ITPR1: variants seen among roughly 807,000 people sequenced by gnomAD.
ITPR1 encodes the protein inositol 1,4,5-trisphosphate-gated calcium channel ITPR1.
Under a neutral mutation model 318.4 loss-of-function variants are expected in ITPR1, and 96 were observed. That is an observed-to-expected ratio of 0.30 (90% confidence interval 0.26 to 0.36). The LOEUF (loss-of-function observed/expected upper bound fraction) is 0.36. Ranked by LOEUF, ITPR1 falls within the 10% of genes least tolerant of loss-of-function variation. The pLI is 1.00. For missense variants in ITPR1, 2,440 were observed against 3,460.2 expected, an observed-to-expected ratio of 0.71 and a Z score of 7.40; for synonymous variants, 1,312 against 1,289.9, an observed-to-expected ratio of 1.02 and a Z score of -0.37.
intron 4 of ITPR1, among the ~76,000 whole-genome samples, chr3:4,573,562 T>G (rs1319932706): frequency 6.6e-6 from 1 of 152,244 alleles, no homozygotes; most frequent in Non-Finnish European, 1.5e-5. Flanking sequence ...AGGATAAAAT[T>G]CAAAGTTGTT....
chr3:4,547,212 G>C (rs1304594219), intron 4 of ITPR1, among the ~76,000 whole-genome samples: 4 of 152,180 alleles, frequency 2.6e-5, no homozygotes, highest in African/African-American at 9.7e-5. Flanking sequence ...TTTTAGGAAA[G>C]ATTCGGCCTG....
chr3:4,593,351 C>T (rs1204901393), intron 4 of ITPR1, among the ~76,000 whole-genome samples: 1 of 152,142 alleles, frequency 6.6e-6, no homozygotes, highest in African/African-American at 2.4e-5. Flanking sequence ...TCACATTTAG[C>T]TCTAAAACTT....
chr3:4,623,820 T>C (rs1196822575), intron 4 of ITPR1, among the ~76,000 whole-genome samples: 1 of 152,224 alleles, frequency 6.6e-6, no homozygotes, highest in East Asian at 1.9e-4. Context: ...GTTACTAGTA[T>C]GTTAGCATCT....
chr3:4,833,515 T>C (rs761103209), intron 60 of ITPR1, among the ~76,000 whole-genome samples: 1 of 152,232 alleles, frequency 6.6e-6, no homozygotes, highest in Non-Finnish European at 1.5e-5. Context: ...TGCATGTCAG[T>C]AATAAGTGAG....
At chr3:4,654,795 G>C (rs1223708245) in intron 12 of ITPR1, among the ~76,000 whole-genome samples, 1 of 152,216 alleles carries the variant, frequency 6.6e-6, no homozygotes, top group Admixed American at 6.5e-5. Context: ...CTTGGAAAGT[G>C]TTGTGAATTC....
intron 51 of ITPR1, among the ~76,000 whole-genome samples, chr3:4,784,726 C>CAAAAAAAAAAAA (rs34856837): frequency 2.7e-5 from 3 of 109,504 alleles, no homozygotes; most frequent in African/African-American, 1.1e-4. Context: ...ACTAAAAATA[C>CAAAAAAAAAAAA]AAAAAAAAAA....
At chr3:4,620,895 A>G (rs181129780) in intron 4 of ITPR1, among the ~76,000 whole-genome samples, 1 of 150,394 alleles carries the variant, frequency 6.6e-6, no homozygotes, top group Non-Finnish European at 1.5e-5. Context: ...CTCCTCTCCA[A>G]CTCCCCATCC....
In ITPR1 at chr3:4,688,631, A is replaced by G; in HGVS notation, c.3828+11A>G. ...TTTCTCAACCCAGGGGTAAGACTTG[A>G]GGCCAATCTGCAAATCTATAGAGGG... On this transcript the variant is annotated intron_variant, in intron 31 of 61. Transcript: ENST00000649015. 6.2e-7 allele frequency: 1 copy of G among 1,610,892 alleles called. No homozygotes were observed. Among genetic ancestry groups the G allele is most frequent in the Non-Finnish European group, 8.5e-7 (1 of 1,177,330 alleles).
At chr3:4,512,976 G>A (rs981827936) in intron 2 of ITPR1, among the ~76,000 whole-genome samples, 1 of 152,100 alleles carries the variant, frequency 6.6e-6, no homozygotes, top group East Asian at 1.9e-4. Context: ...GTGTCTGTAA[G>A]TGTTTGAAGT....
intron 25 of ITPR1, among the ~76,000 whole-genome samples, chr3:4,681,087 AG>A (rs1434751724): frequency 1.3e-5 from 2 of 152,148 alleles, no homozygotes; most frequent in Non-Finnish European, 2.9e-5. Context: ...AGATGGTAGG[AG>A]TAGAAATAAT....
At chr3:4,725,442 T>C in intron 40 of ITPR1, 104 bp from the exon 41 acceptor site, 3 of 951,208 alleles carry the variant, frequency 3.2e-6, no homozygotes, top group African/African-American at 3.2e-5. Context: ...TCATCTCTGA[T>C]CCTTCCTCCT....
intron 2 of ITPR1, among the ~76,000 whole-genome samples, chr3:4,508,598 GA>G (rs555627824): frequency 1.6e-4 from 23 of 144,990 alleles, no homozygotes; most frequent in African/African-American, 2.5e-4. Context: ...AAAGCTTTTA[GA>G]AAAAAAAAAA....
In ITPR1 at chr3:4,645,653, G is replaced by A. The variant is rs549363319; in HGVS notation, c.780G>A (p.Gln260=). ...CCTGTGACGAACACAGGAAGAAGCA[G>A]CACGTCTTCCTGAGAACCACGGGCC... ...FLTCDEHRKK[Q]HVFLRTTGRQ... is the part of the protein sequence containing the mutation. The change falls in exon 10 of 62, where the codon CAG becomes CAA. Residue 260 remains glutamine (Q), a synonymous_variant. Coordinates refer to ENST00000649015, the MANE Select transcript of ITPR1 (RefSeq NM_001378452.1). 19 of 1,613,380 alleles carry A rather than the reference G, an allele frequency of 1.2e-5. No individual in the cohort carries two copies. The African/African-American group carries it at 2.0e-4, about 17-fold the overall frequency.
At chr3:4,673,683 T>C (rs1001950475) in intron 21 of ITPR1, among the ~76,000 whole-genome samples, 20 of 152,076 alleles carry the variant, frequency 1.3e-4, no homozygotes, top group East Asian at 1.9e-4. Flanking sequence ...CCCGGGTTCG[T>C]GCCATTCTCC....
rs569845877 is a variant in ITPR1 at position 4,611,207 on chromosome 3, C to A, written c.164-16556C>A. 2.3e-4 allele frequency among the ~76,000 whole-genome samples: 29 copies of A among 127,932 alleles called. 1 individual carries two copies. Among genetic ancestry groups the A allele is most frequent in the African/African-American group, 8.7e-4 (26 of 29,984 alleles). 83.9% of individuals were successfully genotyped at this position (127,932 alleles called of 152,430 possible). On this transcript the variant is annotated intron_variant, in intron 4 of 61. Transcript: ENST00000649015. ...CACAGGAGGTTGAGACCAGCCTGGG[C>A]AACATGTCAAAACCTCATCTCTACA...
chr3:4,769,179 C>T (rs2046023024), intron 46 of ITPR1, among the ~76,000 whole-genome samples: 1 of 152,182 alleles, frequency 6.6e-6, no homozygotes. Flanking sequence ...GGATTACAGG[C>T]ATGAGCCACC....
chr3:4,546,070 G>A (rs573738255), intron 4 of ITPR1, among the ~76,000 whole-genome samples: 2 of 152,080 alleles, frequency 1.3e-5, no homozygotes, highest in African/African-American at 4.8e-5. Flanking sequence ...TTAGAGGTTC[G>A]GGGGATTAAA....
chr3:4,838,174 C>G (rs1034222691), intron 61 of ITPR1, among the ~76,000 whole-genome samples: 4 of 152,004 alleles, frequency 2.6e-5, no homozygotes, highest in Non-Finnish European at 4.4e-5. Flanking sequence ...TTTCTTTCGT[C>G]TGTATTAAGG....
intron 44 of ITPR1, chr3:4,735,686 T>C (rs2043217701): frequency 3.7e-6 from 1 of 267,000 alleles, no homozygotes; most frequent in African/African-American, 2.2e-5. Flanking sequence ...TTATTTACAG[T>C]TTTTATCCAA....
Sources: allele counts gnomAD v4.1 joint callset (sites outside exome capture counted in the v4.1 genomes callset), GRCh38; gene constraint gnomAD v4.1.1; transcripts MANE v1.5; gene names NCBI Gene and HGNC (gene_info 2026-07-23, HGNC 2026-07-21).